The following HERC3 variants were observed in gnomAD, a reference collection of about 807,000 sequenced individuals.
HERC3 encodes probable E3 ubiquitin-protein ligase HERC3.
HERC3 carries 58 observed loss-of-function variants against 129.9 expected under a neutral mutation model. The ratio of observed to expected loss-of-function variants is 0.45; its 90% CI spans 0.36 to 0.56. HERC3 has a LOEUF of 0.56. Among genes scored for constraint, HERC3 ranks in the 20% least tolerant of loss-of-function variants. HERC3 has a pLI of 0.00. For missense variants in HERC3, 835 were observed against 1,244.2 expected, an observed-to-expected ratio of 0.67 and a Z score of 4.95; for synonymous variants, 430 against 451.0, an observed-to-expected ratio of 0.95 and a Z score of 0.59.
At chr4:88,687,179 CA>C (rs1733570397) in intron 22 of HERC3, 37 bp from the exon 23 acceptor site, 1 of 1,508,666 alleles carries the variant, frequency 6.6e-7, no homozygotes, top group Non-Finnish European at 9.2e-7. Flanking sequence ...GAATGGTTAA[CA>C]AAATTGAAAT....
At chr4:88,624,511 T>G (rs542372529) in intron 3 of HERC3, among the ~76,000 whole-genome samples, 1 of 152,254 alleles carries the variant, frequency 6.6e-6, no homozygotes, top group African/African-American at 2.4e-5. Context: ...TTTTGCCATT[T>G]GGGTATCTTA....
At chr4:88,617,025 T>C (rs1560679963) in intron 3 of HERC3, among the ~76,000 whole-genome samples, 2 of 152,150 alleles carry the variant, frequency 1.3e-5, no homozygotes, top group Non-Finnish European at 2.9e-5. Context: ...CCATGTTTTT[T>C]TGGGCGCCAG....
At chr4:88,556,810 AT>A in the HERC3 span, among the ~76,000 whole-genome samples, 65,928 of 145,264 alleles carry the variant, frequency 0.45, 17,993 homozygotes, top group African/African-American at 0.78. Flanking sequence ...AGCCCTTTCT[AT>A]TTTTTTTTTT....
At chr4:88,652,223 CAATTCTCATATGGGCTTTGCAT>C in intron 5 of HERC3, 135 bp downstream of exon 5, 2 of 666,672 alleles carry the variant, frequency 3.0e-6, no homozygotes, top group Non-Finnish European at 5.3e-6. Context: ...TGGACAGTGA[CAATTCTCATATGGGCTTTGCAT>C]AGCTCATCCT....
At chr4:88,661,037 C>T (rs1730441192) in intron 10 of HERC3, among the ~76,000 whole-genome samples, 1 of 152,172 alleles carries the variant, frequency 6.6e-6, no homozygotes, top group Admixed American at 6.5e-5. Flanking sequence ...ACTTGTACTT[C>T]ACCCAAGGCA....
intron 16 of HERC3, among the ~76,000 whole-genome samples, chr4:88,674,425 C>T (rs948799175): frequency 2.0e-5 from 3 of 152,196 alleles, no homozygotes; most frequent in Non-Finnish European, 4.4e-5. Context: ...TCACTTCTTC[C>T]ACAGTCACTT....
At chr4:88,635,908 A>T (rs1687161736) in intron 3 of HERC3, among the ~76,000 whole-genome samples, 1 of 152,200 alleles carries the variant, frequency 6.6e-6, no homozygotes, top group African/African-American at 2.4e-5. Context: ...TAAGCTTCAT[A>T]AGCTAAGGAG....
the HERC3 span, among the ~76,000 whole-genome samples, chr4:88,554,127 T>C: frequency 6.6e-6 from 1 of 152,114 alleles, no homozygotes; most frequent in East Asian, 1.9e-4. Context: ...ATGGGCAGAT[T>C]ACAAGGTCAA....
At chr4:88,648,746 A>G (rs1416163564) in intron 3 of HERC3, among the ~76,000 whole-genome samples, 1 of 151,940 alleles carries the variant, frequency 6.6e-6, no homozygotes, top group African/African-American at 2.4e-5. Flanking sequence ...AAATATTTAT[A>G]TCTTGTGTCT....
chr4:88,671,400 T>A (rs148609818), intron 16 of HERC3, among the ~76,000 whole-genome samples: 279 of 152,322 alleles, frequency 1.8e-3, no homozygotes, highest in African/African-American at 5.7e-3. Flanking sequence ...CAAGAAGGAT[T>A]GTTTTCTTTG....
At chr4:88,669,209 C>A (rs72867709) in intron 14 of HERC3, among the ~76,000 whole-genome samples, 1,894 of 152,136 alleles carry the variant, frequency 0.012, 39 homozygotes, top group African/African-American at 0.043. Flanking sequence ...TTCATCTGTC[C>A]CTCGCCCTCA....
rs1303380471 is a variant in HERC3, at chr4:88,655,160, T to C, written c.778-14T>C. ...AAGATACAGTGAAGTCCTATGGTGT[T>C]TGTTCCTTGTTAGAGTGGAGGTGTG... On this transcript the variant is annotated splice_polypyrimidine_tract_variant and intron_variant, in intron 7 of 25. Coordinates refer to ENST00000402738, the MANE Select transcript of HERC3 (RefSeq NM_014606.3). 3.1e-6 allele frequency: 5 copies of C among 1,613,574 alleles called. No individual in the cohort carries two copies. In the Admixed American group the frequency reaches 8.3e-5, roughly 27 times the overall value.
the HERC3 span, among the ~76,000 whole-genome samples, chr4:88,587,405 T>C: frequency 7.2e-5 from 11 of 152,344 alleles, no homozygotes; most frequent in South Asian, 1.4e-3. Context: ...CAATGCACCA[T>C]GCTTTGTAAC....
chr4:88,663,406 TG>T (rs1222712441), intron 11 of HERC3, among the ~76,000 whole-genome samples: 1 of 152,124 alleles, frequency 6.6e-6, no homozygotes, highest in Non-Finnish European at 1.5e-5. Flanking sequence ...GAGGGCTTGC[TG>T]GGGTCCAGCA....
the HERC3 span, among the ~76,000 whole-genome samples, chr4:88,546,629 AC>A: frequency 6.6e-5 from 10 of 151,274 alleles, no homozygotes; most frequent in African/African-American, 1.9e-4. Flanking sequence ...CCCGCTTCAG[AC>A]CCCCCAGGGA....
chr4:88,697,219 T>G, intron 23 of HERC3: 1 of 1,518,378 alleles, frequency 6.6e-7, no homozygotes, highest in Non-Finnish European at 8.8e-7. Context: ...CTTCTTGGCG[T>G]CATCAGGCAT....
At chr4:88,636,766 A>G (rs1727457246) in intron 3 of HERC3, among the ~76,000 whole-genome samples, 1 of 152,224 alleles carries the variant, frequency 6.6e-6, no homozygotes. Flanking sequence ...AGCAAATGCA[A>G]AATAACTGAA....
chr4:88,551,835 G>A, the HERC3 span, among the ~76,000 whole-genome samples: 52 of 152,194 alleles, frequency 3.4e-4, no homozygotes, highest in Admixed American at 2.6e-3. Flanking sequence ...ACATGCACAC[G>A]TATGTTTATT....
chr4:88,549,709 C>CTTTTTT, the HERC3 span, among the ~76,000 whole-genome samples: 1 of 144,334 alleles, frequency 6.9e-6, no homozygotes. Flanking sequence ...TTTTCTTTTT[C>CTTTTTT]TTTTTTTTCT....
Sources: allele counts gnomAD v4.1 joint callset (sites outside exome capture counted in the v4.1 genomes callset), GRCh38; gene constraint gnomAD v4.1.1; transcripts MANE v1.5; gene names NCBI Gene and HGNC (gene_info 2026-07-23, HGNC 2026-07-21).